Variants in KCNU1 observed in about 807,000 individuals in gnomAD.
KCNU1 encodes potassium calcium-activated channel subfamily U member 1, also known as potassium channel subfamily U member 1.
A neutral mutation model predicts 126.8 loss-of-function variants in KCNU1; 93 were observed. The ratio of observed to expected loss-of-function variants is 0.73; its 90% CI spans 0.62 to 0.87. KCNU1 has a LOEUF of 0.87. KCNU1 is among the 40% of genes least tolerant of loss of function. KCNU1 has a pLI of 0.00. For missense variants in KCNU1, 1,330 were observed against 1,367.1 expected (o/e 0.97, Z 0.43); for synonymous variants, 523 against 494.2 (o/e 1.06, Z -0.77).
rs1344999252 is a variant in KCNU1 at position 36,840,538 on chromosome 8, G to A, written c.1594G>A (p.Asp532Asn). ...KNKILTQRLS[D>N]DFAGMSFPEV... is the part of the protein sequence containing the mutation. ...CAAAATTCTGACCCAACGTCTCTCT[G>A]ATGACTTTGCTGGAATGAGCTTTCC... Residue 532 changes from aspartate to asparagine, a missense_variant, in exon 15 of 27, where the codon GAT becomes AAT. This residue lies in a region of KCNU1 where 1,054 missense variants were observed against 1,053.9 expected (regional missense o/e 1.00). Transcript: ENST00000399881. The A allele has an allele frequency of 2.5e-6, 4 of 1,612,292 alleles. No homozygotes were observed. Among genetic ancestry groups the A allele is most frequent in the Non-Finnish European group, 3.4e-6 (4 of 1,178,656 alleles).
chr8:36,830,915 C>A (rs1232937997), intron 10 of KCNU1, among the ~76,000 whole-genome samples: 5 of 120,718 alleles, frequency 4.1e-5, no homozygotes, highest in African/African-American at 6.3e-5. Flanking sequence ...CCCCTCCCCC[C>A]ACCCCACAAC....
intron 19 of KCNU1, among the ~76,000 whole-genome samples, chr8:36,900,433 T>C (rs1396299684): frequency 1.3e-5 from 2 of 152,036 alleles, no homozygotes; most frequent in East Asian, 1.9e-4. Flanking sequence ...AAAAATTAAA[T>C]CATAATATGG....
At chr8:36,844,024 A>G (rs985595076) in intron 16 of KCNU1, among the ~76,000 whole-genome samples, 9 of 152,152 alleles carry the variant, frequency 5.9e-5, no homozygotes, top group South Asian at 2.1e-4. Flanking sequence ...TTTTATTGTG[A>G]CAGTATCTTC....
chr8:36,880,573 GAA>G, intron 19 of KCNU1, among the ~76,000 whole-genome samples: 1 of 152,116 alleles, frequency 6.6e-6, no homozygotes, highest in Admixed American at 6.5e-5. Context: ...AAAGGAGAGA[GAA>G]AGAGGTGGGG....
rs185383596 is a variant in KCNU1, at chr8:36,843,364, T to C, written c.1704-2216T>C. On this transcript the variant is annotated intron_variant, in intron 16 of 26. Transcript: ENST00000399881. ...AAGGATTAAGTTCTGATTTGGCAAA[T>C]GTATTGATAAGAACATTCCCTTCTA... Among the ~76,000 whole-genome samples, 7 of 152,316 alleles carry C rather than the reference T, an allele frequency of 4.6e-5. No individual in the cohort carries two copies. The East Asian group carries it at 1.4e-3, about 29-fold the overall frequency.
intron 2 of KCNU1, among the ~76,000 whole-genome samples, chr8:36,797,281 A>G (rs1211312583): frequency 6.6e-6 from 1 of 152,174 alleles, no homozygotes; most frequent in African/African-American, 2.4e-5. Context: ...AGCACTGACC[A>G]CTGGCTGATA....
intron 10 of KCNU1, among the ~76,000 whole-genome samples, chr8:36,820,418 G>T (rs893025339): frequency 1.1e-4 from 16 of 152,078 alleles, no homozygotes; most frequent in African/African-American, 3.9e-4. Context: ...AGAGCAATGA[G>T]GAAATTGCTG....
At chr8:36,928,179 A>G (rs1808590652) in intron 24 of KCNU1, among the ~76,000 whole-genome samples, 1 of 152,144 alleles carries the variant, frequency 6.6e-6, no homozygotes. Context: ...TAAAATTATA[A>G]TCCTTTTGAT....
chr8:36,903,376 G>A (rs938326554), intron 19 of KCNU1, among the ~76,000 whole-genome samples: 3 of 152,116 alleles, frequency 2.0e-5, no homozygotes, highest in African/African-American at 7.2e-5. Flanking sequence ...GGAATAGATT[G>A]TATTTCTCCC....
intron 19 of KCNU1, among the ~76,000 whole-genome samples, chr8:36,892,356 T>C (rs753049004): frequency 1.3e-5 from 2 of 152,142 alleles, no homozygotes; most frequent in African/African-American, 2.4e-5. Flanking sequence ...TTCAGTGCTA[T>C]ATTGTTCTCA....
In KCNU1 at chr8:36,936,080, T is replaced by G; in HGVS notation, c.*160T>G. On this transcript the variant is annotated 3_prime_UTR_variant, in exon 27 of 27. Coordinates refer to ENST00000399881, the MANE Select transcript of KCNU1 (RefSeq NM_001031836.3). ...CACTGTTTTGGGTGAGACAAAAGTC[T>G]AATGCCACTGGATCTTGTGTGATAA... is the stretch of plus-strand genomic sequence containing the variant. The G allele has an allele frequency of 1.8e-6, 1 of 553,952 alleles. No homozygotes were observed. Among genetic ancestry groups the G allele is most frequent in the Non-Finnish European group, 3.1e-6 (1 of 321,622 alleles). The allele number at this position is 553,952 out of a possible 1,614,324, so 34.3% of individuals were successfully genotyped here.
intron 22 of KCNU1, among the ~76,000 whole-genome samples, chr8:36,913,575 G>C (rs1459216593): frequency 6.6e-6 from 1 of 151,662 alleles, no homozygotes; most frequent in Admixed American, 6.6e-5. Flanking sequence ...CTGCTTATCT[G>C]GCACTGTCAC....
At chr8:36,846,141 A>G (rs1805135977) in intron 18 of KCNU1, among the ~76,000 whole-genome samples, 1 of 152,200 alleles carries the variant, frequency 6.6e-6, no homozygotes, top group Non-Finnish European at 1.5e-5. Flanking sequence ...AGATCCAGTC[A>G]CTTTGTCCAA....
At chr8:36,871,686 A>T (rs1806108823) in intron 19 of KCNU1, among the ~76,000 whole-genome samples, 1 of 152,110 alleles carries the variant, frequency 6.6e-6, no homozygotes, top group Non-Finnish European at 1.5e-5. Context: ...CTTTTAAAAA[A>T]CTAAAAACAA....
chr8:36,868,961 G>A (rs961158689), intron 19 of KCNU1, among the ~76,000 whole-genome samples: 1 of 151,904 alleles, frequency 6.6e-6, no homozygotes, highest in African/African-American at 2.4e-5. Flanking sequence ...CTTTACCTTG[G>A]CCATTCCACT....
chr8:36,935,984 C>T lies in KCNU1; in HGVS notation c.*64C>T. The T allele has an allele frequency of 1.4e-6, 2 of 1,384,864 alleles. No homozygotes were observed. The highest frequency in any genetic ancestry group is 2.0e-6 in the Non-Finnish European group (2 of 1,021,700). The allele number at this position is 1,384,864 out of a possible 1,614,324, so 85.8% of individuals were successfully genotyped here. On this transcript the variant is annotated 3_prime_UTR_variant, in exon 27 of 27. Transcript: ENST00000399881. ...TACAAATCATCTCCTGAGATGCTAA[C>T]TTTGAACAAAGAAAATAAGAATGGA...
At chr8:36,928,685 A>G (rs1585579238) in intron 24 of KCNU1, among the ~76,000 whole-genome samples, 1 of 152,188 alleles carries the variant, frequency 6.6e-6, no homozygotes, top group Non-Finnish European at 1.5e-5. Flanking sequence ...GTTAAAAATT[A>G]CCTATCCATT....
At chr8:36,916,280 G>A (rs1433266334) in intron 22 of KCNU1, among the ~76,000 whole-genome samples, 1 of 137,270 alleles carries the variant, frequency 7.3e-6, no homozygotes, top group Non-Finnish European at 1.5e-5. Flanking sequence ...AAGGAAGGAA[G>A]GAAACAAAAG....
intron 23 of KCNU1, among the ~76,000 whole-genome samples, chr8:36,919,428 C>CA (rs10699066): frequency 0.085 from 9,331 of 109,400 alleles, 551 homozygotes; most frequent in African/African-American, 0.14. Flanking sequence ...CTAAAATAGG[C>CA]AAAAAAAAAA....
Sources: gnomAD v4.1 joint callset for allele counts (sites outside exome capture counted in the v4.1 genomes callset) on GRCh38, gnomAD v4.1.1 for gene constraint, gnomAD v4.1.1 regional missense constraint, MANE v1.5 for transcripts, NCBI Gene and HGNC (gene_info 2026-07-23, HGNC 2026-07-21) for gene names.